CACHD1: variants seen among roughly 807,000 people sequenced by gnomAD.
CACHD1 encodes the protein cache domain containing 1, also known as VWFA and cache domain-containing protein 1.
In CACHD1, 71 loss-of-function variants were observed where a neutral mutation model predicts 138.7. The ratio of observed to expected loss-of-function variants is 0.51; its 90% confidence interval spans 0.42 to 0.62. The LOEUF is 0.62. CACHD1 is among the 20% of genes least tolerant of loss of function. The pLI is 0.00. For synonymous variants in CACHD1, 578 were observed against 591.5 expected (o/e 0.98, Z 0.33); for missense variants, 1,389 against 1,625.3 (o/e 0.85, Z 2.50).
At chr1:64,528,253 TAAG>T (rs947036780) in intron 1 of CACHD1, among the ~76,000 whole-genome samples, 74 of 152,320 alleles carry the variant, frequency 4.9e-4, no homozygotes, top group African/African-American at 1.7e-3. Flanking sequence ...GCAAATGAAA[TAAG>T]AAGTATTTTG....
intron 9 of CACHD1, among the ~76,000 whole-genome samples, chr1:64,648,584 C>G (rs1407704861): frequency 6.6e-6 from 1 of 152,098 alleles, no homozygotes; most frequent in Non-Finnish European, 1.5e-5. Flanking sequence ...ATTATAAAAT[C>G]TATGATAACA....
rs1646135559 is a variant in CACHD1, at chr1:64,470,426, A to C, written c.-319A>C. ...CGACTGTCAGCCCCGGGGCCCGCGC[A>C]CCCCGGCCTGCGGGCGCCCCTGCTC... On this transcript the variant is annotated 5_prime_UTR_variant, in exon 1 of 27. Coordinates refer to ENST00000651257, the MANE Select transcript of CACHD1 (RefSeq NM_020925.4). This position sits in a 1 kb window ranked among gnomAD's most constrained non-coding sequence, Gnocchi z 5.2. Among the ~76,000 whole-genome samples the C allele has an allele frequency of 6.7e-6, 1 of 148,930 alleles. No individual in the cohort carries two copies. The highest frequency in any genetic ancestry group is 1.5e-5 in the Non-Finnish European group (1 of 67,194).
intron 4 of CACHD1, among the ~76,000 whole-genome samples, chr1:64,628,840 C>T (rs955856782): frequency 2.6e-5 from 4 of 152,146 alleles, no homozygotes; most frequent in African/African-American, 7.2e-5. Context: ...GGAATCATTC[C>T]ATAAGTAACA....
intron 2 of CACHD1, among the ~76,000 whole-genome samples, chr1:64,578,572 G>A (rs1386362925): frequency 6.6e-6 from 1 of 152,200 alleles, no homozygotes; most frequent in Admixed American, 6.5e-5. Flanking sequence ...ACCAGGCACA[G>A]CAAGGATGGC....
At chr1:64,521,282 C>T (rs1352978537) in intron 1 of CACHD1, among the ~76,000 whole-genome samples, 4 of 152,182 alleles carry the variant, frequency 2.6e-5, no homozygotes, top group South Asian at 2.1e-4. Context: ...CTACCATAGA[C>T]GGCTCACAAC....
intron 8 of CACHD1, among the ~76,000 whole-genome samples, chr1:64,646,863 C>T (rs1570448527): frequency 6.6e-6 from 1 of 152,138 alleles, no homozygotes; most frequent in African/African-American, 2.4e-5. Flanking sequence ...GGTAGATGAA[C>T]CATGAAAGCT....
Position 64,533,127 on chromosome 1 carries a change from G to A in CACHD1, c.199-17467G>A, listed in dbSNP as rs561478343. 7.9e-5 allele frequency among the ~76,000 whole-genome samples: 12 copies of A among 152,298 alleles called. No homozygotes were observed. In the South Asian group the frequency reaches 8.3e-4, roughly 11 times the overall value. ...TCCCAGCATTTTGGGAGTCCGAGGC[G>A]GGTGAATTGCTTGAGGCCAAGGGTT... On this transcript the variant is annotated intron_variant, in intron 1 of 26. Coordinates refer to ENST00000651257, the MANE Select transcript of CACHD1 (RefSeq NM_020925.4).
chr1:64,538,266 C>A (rs1051801872), intron 1 of CACHD1, among the ~76,000 whole-genome samples: 5 of 152,202 alleles, frequency 3.3e-5, no homozygotes, highest in African/African-American at 1.2e-4. Context: ...TTAAACTCAT[C>A]ATTTTCAAGA....
At chr1:64,509,495 T>G (rs1249401175) in intron 1 of CACHD1, among the ~76,000 whole-genome samples, 2 of 152,212 alleles carry the variant, frequency 1.3e-5, no homozygotes, top group African/African-American at 4.8e-5. Flanking sequence ...TTAGTTCATT[T>G]GTCTTTCTTG....
intron 1 of CACHD1, among the ~76,000 whole-genome samples, chr1:64,534,308 T>C (rs1258689096): frequency 1.3e-5 from 2 of 152,148 alleles, no homozygotes. Flanking sequence ...CCTCCCAAAG[T>C]GCTGGGATTA....
rs565700712 is a variant in CACHD1, at chr1:64,617,839, G to A, written c.518-11516G>A. Among the ~76,000 whole-genome samples, 7 of 152,304 alleles carry A rather than the reference G, an allele frequency of 4.6e-5. No individual in the cohort carries two copies. In the East Asian group the frequency reaches 1.2e-3, roughly 25 times the overall value. On this transcript the variant is annotated intron_variant, in intron 4 of 26. Transcript: ENST00000651257. ...CATGCCTGTAATCCCAATACTTTGG[G>A]AGACCAAGGTGGGTGGATCTCCTGA...
chr1:64,565,690 T>C (rs569874735), intron 2 of CACHD1, among the ~76,000 whole-genome samples: 2 of 152,368 alleles, frequency 1.3e-5, no homozygotes, highest in East Asian at 3.9e-4. Flanking sequence ...ATAATTGTTC[T>C]AATATTTATG....
intron 1 of CACHD1, among the ~76,000 whole-genome samples, chr1:64,519,431 G>A (rs1260456051): frequency 6.6e-6 from 1 of 152,168 alleles, no homozygotes; most frequent in African/African-American, 2.4e-5. Context: ...TCTGTCCCAG[G>A]CCTCAGTTTC....
intron 26 of CACHD1, among the ~76,000 whole-genome samples, chr1:64,682,333 G>C (rs1213032007): frequency 2.0e-5 from 3 of 152,162 alleles, no homozygotes; most frequent in Non-Finnish European, 4.4e-5. Flanking sequence ...TTTAAATGGA[G>C]CCTGCTTGCC....
At chr1:64,524,166 T>TA (rs1411897209) in intron 1 of CACHD1, among the ~76,000 whole-genome samples, 1 of 152,044 alleles carries the variant, frequency 6.6e-6, no homozygotes, top group Non-Finnish European at 1.5e-5. Flanking sequence ...AATAGGCTTG[T>TA]AAAGGTTTTG....
intron 1 of CACHD1, among the ~76,000 whole-genome samples, chr1:64,485,562 A>G (rs1029642490): frequency 6.6e-6 from 1 of 152,014 alleles, no homozygotes; most frequent in Non-Finnish European, 1.5e-5. Context: ...ATTAAAGAAC[A>G]TTTGAGTTTT....
intron 8 of CACHD1, among the ~76,000 whole-genome samples, chr1:64,643,069 A>AAAAAAAAAAAC (rs1648779810): frequency 9.0e-6 from 1 of 111,704 alleles, no homozygotes; most frequent in African/African-American, 3.1e-5. Context: ...AAAAAAAAAA[A>AAAAAAAAAAAC]AAGCCATGTC....
intron 1 of CACHD1, among the ~76,000 whole-genome samples, chr1:64,505,386 G>C (rs568045979): frequency 3.3e-5 from 5 of 152,160 alleles, no homozygotes; most frequent in Admixed American, 3.3e-4. Flanking sequence ...GTCTGGAGGG[G>C]AGGGGAGGGG....
chr1:64,487,096 C>G (rs146613348), intron 1 of CACHD1, among the ~76,000 whole-genome samples: 1 of 151,986 alleles, frequency 6.6e-6, no homozygotes, highest in African/African-American at 2.4e-5. Flanking sequence ...GGAAGATGAG[C>G]GAGGATAGGA....
Sources: allele counts gnomAD v4.1 joint callset (sites outside exome capture counted in the v4.1 genomes callset), GRCh38; gene constraint gnomAD v4.1.1; non-coding constraint Gnocchi (gnomAD v3.1); transcripts MANE v1.5; gene names NCBI Gene and HGNC (gene_info 2026-07-23, HGNC 2026-07-21).